The following PRKCH variants were observed in gnomAD, a reference collection of about 807,000 sequenced individuals.
The protein encoded by PRKCH is protein kinase C eta type.
Under a neutral mutation model 82.5 loss-of-function variants are expected in PRKCH, and 28 were observed. That is an observed-to-expected ratio of 0.34 (90% CI 0.25 to 0.47). The LOEUF is 0.47. Ranked by LOEUF, PRKCH falls within the 20% of genes least tolerant of loss-of-function variation. PRKCH has a pLI of 1.00. For synonymous variants in PRKCH, 322 were observed against 327.4 expected (o/e 0.98, Z 0.18); for missense variants, 705 against 881.8 (o/e 0.80, Z 2.54).
Position 61,280,785 on chromosome 14 carries a change from G to T in PRKCH, c.-19+93117G>T. 6.4e-7 allele frequency: 1 copy of T among 1,556,538 alleles called. No individual in the cohort carries two copies. Among genetic ancestry groups the T allele is most frequent in the Non-Finnish European group, 8.6e-7 (1 of 1,160,204 alleles). ...CGTCGCGGGACACGCCGTAGCGCCG[G>T]TTGTTCTGGTAGAAGTTGGTCAGCT... On this transcript the variant is annotated intron_variant, in intron 1 of 3. Coordinates refer to the PRKCH transcript ENST00000555185. This position sits in a 1 kb window ranked among gnomAD's most constrained non-coding sequence, Gnocchi z 5.0.
intron 2 of PRKCH, among the ~76,000 whole-genome samples, chr14:61,434,655 T>C (rs779666903): frequency 2.6e-5 from 4 of 151,890 alleles, no homozygotes; most frequent in Non-Finnish European, 5.9e-5. Context: ...CAGAAAGGAG[T>C]AGACACAGTG....
chr14:61,517,674 C>T (rs1371450758), intron 10 of PRKCH, among the ~76,000 whole-genome samples: 1 of 152,218 alleles, frequency 6.6e-6, no homozygotes, highest in African/African-American at 2.4e-5. Flanking sequence ...TGTTGGTCTT[C>T]ATGCCATGTG....
intron 1 of PRKCH, among the ~76,000 whole-genome samples, chr14:61,307,554 A>G (rs1356156718): frequency 6.6e-6 from 1 of 152,212 alleles, no homozygotes; most frequent in Non-Finnish European, 1.5e-5. Flanking sequence ...TGTGTAATAA[A>G]AAACATGCAG....
At chr14:61,375,448 T>G (rs983825148) in intron 1 of PRKCH, among the ~76,000 whole-genome samples, 2 of 152,106 alleles carry the variant, frequency 1.3e-5, no homozygotes, top group African/African-American at 2.4e-5. Context: ...ACCAATTTTC[T>G]GTATTAGTCT....
chr14:61,528,774 A>G (rs1477875575), intron 10 of PRKCH: 1 of 213,694 alleles, frequency 4.7e-6, no homozygotes, highest in Non-Finnish European at 9.5e-6. Context: ...TGGAAAGCCT[A>G]GAAAAGCCAC....
intron 1 of PRKCH, among the ~76,000 whole-genome samples, chr14:61,258,987 T>C (rs1186334973): frequency 1.3e-5 from 2 of 152,196 alleles, no homozygotes; most frequent in African/African-American, 2.4e-5. Context: ...CTATTTTTAT[T>C]TCACTTTTGC....
intron 2 of PRKCH, among the ~76,000 whole-genome samples, chr14:61,401,523 T>C (rs1377782280): frequency 6.6e-6 from 1 of 152,222 alleles, no homozygotes. Flanking sequence ...ATTTTATTCA[T>C]CCTTTTTTCC....
rs1594788189 is a variant in PRKCH at position 61,528,923 on chromosome 14, G to A, written c.1434-152G>A. The stretch of plus-strand genomic sequence containing the variant: ...TCATCCAGATAGCACAGAGAAGTTT[G>A]TTCCTTTTGACGTGTGTACAGGAAG... On this transcript the variant is annotated intron_variant, in intron 10 of 13. Transcript: ENST00000332981. The A allele has an allele frequency of 5.9e-6, 4 of 680,644 alleles. No individual in the cohort carries two copies. The East Asian group carries it at 9.8e-5, about 17-fold the overall frequency. 42.2% of individuals were successfully genotyped at this position (680,644 alleles called of 1,614,324 possible). A position where few individuals can be genotyped will look rare whatever the true frequency, so the allele number is the denominator to read the frequency against.
chr14:61,541,246 C>T (rs2043180903), intron 12 of PRKCH, among the ~76,000 whole-genome samples: 1 of 152,282 alleles, frequency 6.6e-6, no homozygotes, highest in Non-Finnish European at 1.5e-5. Context: ...CGTGTGCCAG[C>T]AGCATCCTTC....
intron 9 of PRKCH, among the ~76,000 whole-genome samples, chr14:61,480,214 C>CT (rs1244850338): frequency 6.6e-6 from 1 of 152,216 alleles, no homozygotes; most frequent in Non-Finnish European, 1.5e-5. Flanking sequence ...TTTGCCATCT[C>CT]TGTCTAGAGT....
At chr14:61,248,691 T>C (rs1483707000) in intron 1 of PRKCH, among the ~76,000 whole-genome samples, 1 of 152,190 alleles carries the variant, frequency 6.6e-6, no homozygotes, top group African/African-American at 2.4e-5. Context: ...AATGCAAATA[T>C]TTTCTTTTCT....
chr14:61,280,522 G>T lies in PRKCH; in HGVS notation c.-19+92854G>T. 6.2e-7 allele frequency: 1 copy of T among 1,612,680 alleles called. No individual in the cohort carries two copies. On this transcript the variant is annotated intron_variant, in intron 1 of 3. Transcript: ENST00000555185. This position sits in a 1 kb window ranked among gnomAD's most constrained non-coding sequence, Gnocchi z 5.0. ...CGCCAGGCTGCCGTTGACCAGCGGCGGGTTGCGGAACTTGACGTGGTAGTC... is the reference window on the plus strand; with the variant it reads ...CGCCAGGCTGCCGTTGACCAGCGGCTGGTTGCGGAACTTGACGTGGTAGTC...
chr14:61,447,383 C>A (rs1188650187), intron 4 of PRKCH, among the ~76,000 whole-genome samples: 3 of 152,140 alleles, frequency 2.0e-5, no homozygotes, highest in Non-Finnish European at 4.4e-5. Context: ...ATTGATAGAT[C>A]CAGCAGGCAG....
intron 2 of PRKCH, among the ~76,000 whole-genome samples, chr14:61,428,090 C>CAT (rs1883210522): frequency 8.5e-6 from 1 of 117,028 alleles, no homozygotes; most frequent in South Asian, 3.1e-4. Context: ...CACACACACA[C>CAT]ACACACATAT....
chr14:61,340,098 C>G (rs967586799), intron 1 of PRKCH, among the ~76,000 whole-genome samples: 9 of 104,950 alleles, frequency 8.6e-5, no homozygotes, highest in Admixed American at 1.9e-4. Context: ...CCTTTCCCTT[C>G]TCAGCCTCTT....
chr14:61,476,229 A>G (rs1358190276), intron 9 of PRKCH: 2 of 152,136 alleles, frequency 1.3e-5, no homozygotes, highest in African/African-American at 2.4e-5. Context: ...GGTTCCTATT[A>G]TGTTCACTCT....
chr14:61,220,022 G>T (rs1250438062), intron 1 of PRKCH, among the ~76,000 whole-genome samples: 1 of 152,188 alleles, frequency 6.6e-6, no homozygotes, highest in Non-Finnish European at 1.5e-5. Flanking sequence ...GAATGCATTG[G>T]TGTAGGGTCC....
chr14:61,231,625 G>A (rs2044745205), intron 1 of PRKCH, among the ~76,000 whole-genome samples: 1 of 152,046 alleles, frequency 6.6e-6, no homozygotes, highest in Non-Finnish European at 1.5e-5. Flanking sequence ...GCCCACCTCG[G>A]CCTCCCATAG....
intron 1 of PRKCH, among the ~76,000 whole-genome samples, chr14:61,378,754 C>T (rs954408671): frequency 2.0e-5 from 3 of 152,134 alleles, no homozygotes; most frequent in African/African-American, 7.2e-5. Flanking sequence ...ATTCTGACTC[C>T]TTCTCTTTCA....
Sources: allele counts gnomAD v4.1 joint callset (sites outside exome capture counted in the v4.1 genomes callset), GRCh38; gene constraint gnomAD v4.1.1; non-coding constraint Gnocchi (gnomAD v3.1); transcripts MANE v1.5; gene names NCBI Gene and HGNC (gene_info 2026-07-23, HGNC 2026-07-21).